Variants in PLS1 observed in about 807,000 individuals in gnomAD.
PLS1 encodes plastin 1, also known as plastin-1.
Under a neutral mutation model 73.7 loss-of-function variants are expected in PLS1, and 32 were observed. The ratio of observed to expected loss-of-function variants is 0.43; its 90% CI spans 0.33 to 0.58. PLS1 has a LOEUF of 0.58. PLS1 is among the 20% of genes least tolerant of loss of function. The probability of loss-of-function intolerance (pLI) is 0.04; values close to 1 mark genes in which losing one functional copy is unlikely to be tolerated. For synonymous variants in PLS1, 217 were observed against 261.3 expected (o/e 0.83, Z 1.63); for missense variants, 633 against 740.5 (o/e 0.85, Z 1.68).
intron 1 of PLS1, among the ~76,000 whole-genome samples, chr3:142,614,959 T>C (rs1277083553): frequency 6.6e-6 from 1 of 152,164 alleles, no homozygotes; most frequent in Non-Finnish European, 1.5e-5. Context: ...CTGGCTATAC[T>C]ACGGGTCTCA....
intron 1 of PLS1, among the ~76,000 whole-genome samples, chr3:142,656,290 C>T (rs891920210): frequency 1.1e-4 from 16 of 152,208 alleles, no homozygotes; most frequent in Admixed American, 7.9e-4. Context: ...TCTATCATAG[C>T]TGTCCCTTGT....
chr3:142,621,578 G>T (rs2036314903), intron 1 of PLS1, among the ~76,000 whole-genome samples: 1 of 152,140 alleles, frequency 6.6e-6, no homozygotes, highest in Non-Finnish European at 1.5e-5. Flanking sequence ...TATCAATTTT[G>T]TTTGGAAAAT....
intron 4 of PLS1, among the ~76,000 whole-genome samples, chr3:142,672,339 C>CT (rs58039666): frequency 0.033 from 3,905 of 118,382 alleles, 251 homozygotes; most frequent in African/African-American, 0.091. Flanking sequence ...ATGAAGTGTA[C>CT]TTTTTTTTTT....
At chr3:142,599,273 C>T (rs905133081) in intron 1 of PLS1, among the ~76,000 whole-genome samples, 7 of 150,332 alleles carry the variant, frequency 4.7e-5, no homozygotes, top group East Asian at 1.9e-4. Context: ...TATATGGTAG[C>T]GCTTTATCCA....
At chr3:142,620,780 A>G (rs985484656) in intron 1 of PLS1, among the ~76,000 whole-genome samples, 2 of 152,318 alleles carry the variant, frequency 1.3e-5, no homozygotes, top group East Asian at 3.9e-4. Context: ...GCACTTTGGG[A>G]GGCCAAGGCG....
chr3:142,701,852 T>C (rs2038338908), intron 12 of PLS1, among the ~76,000 whole-genome samples: 1 of 152,240 alleles, frequency 6.6e-6, no homozygotes, highest in Non-Finnish European at 1.5e-5. Flanking sequence ...TGGGTGTCCA[T>C]GGTAAATATG....
chr3:142,704,611 T>A, intron 14 of PLS1, 25 bp downstream of exon 14: 1 of 1,468,046 alleles, frequency 6.8e-7, no homozygotes, highest in Non-Finnish European at 9.2e-7. Flanking sequence ...TAAAAAAAAT[T>A]TTTTTTTGTA....
intron 1 of PLS1, among the ~76,000 whole-genome samples, chr3:142,645,032 C>T (rs556054120): frequency 4.6e-5 from 7 of 152,184 alleles, no homozygotes; most frequent in African/African-American, 1.7e-4. Flanking sequence ...AACTCTAACC[C>T]GTTTGATAGA....
intron 1 of PLS1, chr3:142,654,674 A>G (rs1365915050): frequency 3.9e-5 from 6 of 152,216 alleles, no homozygotes; most frequent in South Asian, 2.1e-4. Context: ...ATTTTGATAG[A>G]TTTAGAAGAA....
intron 1 of PLS1, among the ~76,000 whole-genome samples, chr3:142,617,042 A>G (rs1028319179): frequency 6.6e-6 from 1 of 152,202 alleles, no homozygotes; most frequent in Admixed American, 6.6e-5. Flanking sequence ...AGCCACTAAA[A>G]TAGCCAGTGA....
intron 14 of PLS1, among the ~76,000 whole-genome samples, chr3:142,708,181 C>T (rs1473196132): frequency 2.0e-5 from 3 of 152,090 alleles, no homozygotes; most frequent in African/African-American, 7.2e-5. Context: ...GGACAGGGGA[C>T]TCTGCTGAGC....
chr3:142,634,648 C>T (rs918668301), intron 1 of PLS1, among the ~76,000 whole-genome samples: 3 of 151,744 alleles, frequency 2.0e-5, no homozygotes, highest in Non-Finnish European at 4.4e-5. Flanking sequence ...CAAAAATATA[C>T]TTCAAAAAAA....
At chr3:142,597,150 G>A (rs889191025) in intron 1 of PLS1, 19 of 152,134 alleles carry the variant, frequency 1.2e-4, no homozygotes, top group African/African-American at 4.3e-4. Context: ...CGGTCGTTTA[G>A]ATGAGTAACA....
chr3:142,626,725 C>T (rs376634358), intron 1 of PLS1, among the ~76,000 whole-genome samples: 2 of 152,062 alleles, frequency 1.3e-5, no homozygotes, highest in East Asian at 3.9e-4. Flanking sequence ...GGTGTGTGTT[C>T]TACTGTTTTC....
chr3:142,652,004 C>A (rs1211953675), intron 1 of PLS1, among the ~76,000 whole-genome samples: 1 of 151,974 alleles, frequency 6.6e-6, no homozygotes. Flanking sequence ...GATGGGATTT[C>A]CAGGGGGTAG....
intron 3 of PLS1, 88 bp from the exon 4 acceptor site, chr3:142,670,905 T>C (rs764992095): frequency 2.1e-5 from 18 of 862,404 alleles, no homozygotes; most frequent in Non-Finnish European, 2.9e-5. Flanking sequence ...TTTGGTGTCA[T>C]TTCAAATAAA....
At chr3:142,666,395 T>A (rs185402263) in intron 2 of PLS1, among the ~76,000 whole-genome samples, 32 of 152,320 alleles carry the variant, frequency 2.1e-4, no homozygotes, top group South Asian at 8.3e-4. Context: ...TCACATAATA[T>A]TTGTCTTCTT....
chr3:142,633,835 A>G (rs1378469057), intron 1 of PLS1, among the ~76,000 whole-genome samples: 2 of 152,196 alleles, frequency 1.3e-5, no homozygotes, highest in Non-Finnish European at 2.9e-5. Flanking sequence ...GAAGCAGGAA[A>G]ATATTACCCA....
intron 1 of PLS1, among the ~76,000 whole-genome samples, chr3:142,630,139 T>A: frequency 6.6e-6 from 1 of 152,092 alleles, no homozygotes; most frequent in Admixed American, 6.6e-5. Context: ...TTTAAAATTT[T>A]GGCCTGGCAA....
Sources: allele counts gnomAD v4.1 joint callset (sites outside exome capture counted in the v4.1 genomes callset), GRCh38; gene constraint gnomAD v4.1.1; transcripts MANE v1.5; gene names NCBI Gene and HGNC (gene_info 2026-07-23, HGNC 2026-07-21).